The following CALN1 variants were observed in gnomAD, a reference collection of about 807,000 sequenced individuals.
CALN1 encodes calneuron 1.
In CALN1, 17 loss-of-function variants were observed where a neutral mutation model predicts 30.6. That is an observed-to-expected ratio of 0.56 (90% CI 0.38 to 0.83). The LOEUF is 0.83. Ranked by LOEUF, CALN1 falls within the 40% of genes least tolerant of loss-of-function variation. The pLI is 0.00. For synonymous variants in CALN1, 156 were observed against 131.4 expected (o/e 1.19, Z -1.28); for missense variants, 291 against 354.9 (o/e 0.82, Z 1.45).
chr7:72,114,736 G>C (rs1238381534), intron 3 of CALN1, among the ~76,000 whole-genome samples: 1 of 151,940 alleles, frequency 6.6e-6, no homozygotes, highest in Admixed American at 6.6e-5. Flanking sequence ...GCTCATGCCT[G>C]TAATCCCCAC....
chr7:72,343,347 G>T (rs1402819706), intron 2 of CALN1, among the ~76,000 whole-genome samples: 1 of 152,082 alleles, frequency 6.6e-6, no homozygotes, highest in African/African-American at 2.4e-5. Context: ...AGGACTTTGA[G>T]ACTAGCCTGG....
At chr7:72,258,860 C>A (rs2129552639) in intron 3 of CALN1, among the ~76,000 whole-genome samples, 1 of 151,202 alleles carries the variant, frequency 6.6e-6, no homozygotes, top group Admixed American at 6.6e-5. Flanking sequence ...CGAGAGCAGC[C>A]TGGCCAACAT....
intron 5 of CALN1, among the ~76,000 whole-genome samples, chr7:72,011,114 C>T (rs1800052666): frequency 6.6e-6 from 1 of 150,712 alleles, no homozygotes; most frequent in African/African-American, 2.4e-5. Flanking sequence ...GATGGCGCCA[C>T]TGCACTCCAG....
intron 5 of CALN1, among the ~76,000 whole-genome samples, chr7:71,848,691 T>A (rs1020773765): frequency 1.3e-5 from 2 of 152,018 alleles, no homozygotes; most frequent in Non-Finnish European, 2.9e-5. Context: ...GATAGAATTA[T>A]TTTAAGTTGA....
At chr7:72,395,376 C>CACACACAT (rs759811191) in intron 2 of CALN1, among the ~76,000 whole-genome samples, 22 of 151,890 alleles carry the variant, frequency 1.4e-4, no homozygotes, top group Non-Finnish European at 2.5e-4. Context: ...CACACACACA[C>CACACACAT]ATATCCAGGG....
intron 2 of CALN1, among the ~76,000 whole-genome samples, chr7:72,283,320 T>C (rs1797859629): frequency 6.6e-6 from 1 of 152,086 alleles, no homozygotes; most frequent in South Asian, 2.1e-4. Flanking sequence ...ATGTCAGGAT[T>C]TCCAGACCAG....
Position 72,403,444 on chromosome 7 carries a change from T to C in CALN1, c.-73-2A>G. The C allele has an allele frequency of 8.4e-7, 1 of 1,192,252 alleles. No homozygotes were observed. Among genetic ancestry groups the C allele is most frequent in the African/African-American group, 1.5e-5 (1 of 65,738 alleles). The allele number at this position is 1,192,252 out of a possible 1,614,324, so 73.9% of individuals were successfully genotyped here. On this transcript the variant is annotated splice_acceptor_variant, in intron 1 of 6. Transcript: ENST00000395275. LOFTEE classifies it low-confidence loss of function (5UTR_SPLICE). ...AACGTCAGCGAAGGCACTGAGACTC[T>C]GAAAGGAGTTGACAGAAACTTACAG... is the stretch of plus-strand genomic sequence containing the variant.
At position 72,319,761 on chromosome 7, in the gene CALN1, C is replaced by T. The variant is rs141615991; in HGVS notation, c.120-40951G>A. Among the ~76,000 whole-genome samples, 8 of 151,976 alleles carry T rather than the reference C, an allele frequency of 5.3e-5. No individual in the cohort carries two copies. In the East Asian group the frequency reaches 1.2e-3, roughly 22 times the overall value. Reference sequence around the variant, plus strand: ...TGTGGTGAGGCTGGGGTGAGATGTCCACTGAAGGCAAGGGGGGTGGGCCTT... The same window carrying T: ...TGTGGTGAGGCTGGGGTGAGATGTCTACTGAAGGCAAGGGGGGTGGGCCTT... On this transcript the variant is annotated intron_variant, in intron 2 of 6. Transcript: ENST00000395275.
chr7:72,136,963 G>A (rs1194033317), intron 3 of CALN1, among the ~76,000 whole-genome samples: 1 of 147,156 alleles, frequency 6.8e-6, no homozygotes, highest in Non-Finnish European at 1.5e-5. Context: ...AAGAATTAAA[G>A]AAAGAGGAAA....
At chr7:72,148,163 T>C (rs1160475359) in intron 3 of CALN1, among the ~76,000 whole-genome samples, 1 of 134,376 alleles carries the variant, frequency 7.4e-6, no homozygotes, top group Non-Finnish European at 1.6e-5. Context: ...AAAAGAAATA[T>C]GATCCACAGT....
intron 2 of CALN1, among the ~76,000 whole-genome samples, chr7:72,287,319 G>T (rs10950305): frequency 0.8 from 121,673 of 151,950 alleles, 50,032 homozygotes; most frequent in Middle Eastern, 0.93. Context: ...TTGCTGTGCC[G>T]ATCTTTAAAT....
At chr7:71,930,251 T>C (rs1221562923) in intron 5 of CALN1, among the ~76,000 whole-genome samples, 4 of 152,224 alleles carry the variant, frequency 2.6e-5, no homozygotes, top group African/African-American at 9.6e-5. Flanking sequence ...TATCTGTCTT[T>C]TTCAATATAG....
intron 5 of CALN1, among the ~76,000 whole-genome samples, chr7:71,941,221 G>T (rs1302847697): frequency 6.7e-6 from 1 of 149,834 alleles, no homozygotes; most frequent in Non-Finnish European, 1.5e-5. Flanking sequence ...GTGGTGGCAG[G>T]TGCCTGTAAT....
the CALN1 span, among the ~76,000 whole-genome samples, chr7:72,471,419 T>C: frequency 2.6e-5 from 4 of 152,176 alleles, no homozygotes; most frequent in African/African-American, 9.7e-5. Flanking sequence ...CTACCCAGTG[T>C]CAATGGGTCC....
At chr7:72,467,046 G>A in the CALN1 span, among the ~76,000 whole-genome samples, 1 of 152,130 alleles carries the variant, frequency 6.6e-6, no homozygotes, top group Non-Finnish European at 1.5e-5. Context: ...TCAGAAGCCT[G>A]TTCCTGGACT....
intron 2 of CALN1, among the ~76,000 whole-genome samples, chr7:72,325,791 A>G (rs897975133): frequency 6.6e-6 from 1 of 152,218 alleles, no homozygotes; most frequent in Non-Finnish European, 1.5e-5. Flanking sequence ...CAAGTGACTC[A>G]TGAAGGGAAC....
Position 71,810,430 on chromosome 7 carries a change from G to A in CALN1, c.564C>T (p.Asp188=), listed in dbSNP as rs1341666673. ...LKHILYHAFR[D]HLTMKDIENI... ...TCTCAATGTCCTTCATCGTTAGGTGGTCTCGGAAGGCATGATAGAGAATGT... is the reference window on the plus strand; with the variant it reads ...TCTCAATGTCCTTCATCGTTAGGTGATCTCGGAAGGCATGATAGAGAATGT... Residue 188 remains aspartate (D), a synonymous_variant, in exon 6 of 7, where the codon GAC becomes GAT. Coordinates refer to ENST00000395275, the MANE Select transcript of CALN1 (RefSeq NM_031468.4). 1.2e-6 allele frequency: 2 copies of A among 1,614,102 alleles called. No individual in the cohort carries two copies. Among genetic ancestry groups the A allele is most frequent in the Admixed American group, 1.7e-5 (1 of 60,004 alleles).
intron 5 of CALN1, among the ~76,000 whole-genome samples, chr7:72,003,385 C>T (rs1799620778): frequency 6.6e-6 from 1 of 152,140 alleles, no homozygotes; most frequent in Non-Finnish European, 1.5e-5. Context: ...CAGGTGTCCC[C>T]AACTCCCGGG....
intron 3 of CALN1, among the ~76,000 whole-genome samples, chr7:72,163,919 A>G (rs1437611025): frequency 6.6e-6 from 1 of 152,168 alleles, no homozygotes; most frequent in Non-Finnish European, 1.5e-5. Context: ...TCAGACTACC[A>G]CAAACAAGAT....
Sources: gnomAD v4.1 joint callset for allele counts (sites outside exome capture counted in the v4.1 genomes callset) on GRCh38, gnomAD v4.1.1 for gene constraint, MANE v1.5 for transcripts, NCBI Gene and HGNC (gene_info 2026-07-23, HGNC 2026-07-21) for gene names.